Variants in PRELID2 observed in about 807,000 individuals in gnomAD.
PRELID2 encodes the protein PRELI domain containing 2.
In PRELID2, 25 loss-of-function variants were observed where a neutral mutation model predicts 28.4. That is an observed-to-expected ratio of 0.88 (90% confidence interval 0.64 to 1.23). The LOEUF is 1.23. PRELID2 is among the 50% of genes most tolerant of loss of function. PRELID2 has a pLI of 0.00. For missense variants in PRELID2, 201 were observed against 214.4 expected (o/e 0.94, Z 0.39); for synonymous variants, 76 against 71.6 (o/e 1.06, Z -0.31).
chr5:145,541,713 GT>G (rs1752747003), intron 1 of PRELID2, among the ~76,000 whole-genome samples: 1 of 151,986 alleles, frequency 6.6e-6, no homozygotes, highest in Non-Finnish European at 1.5e-5. Flanking sequence ...AAGGCATTCA[GT>G]TTTTATGAAT....
chr5:145,722,130 A>G (rs1024948616), intron 1 of PRELID2, among the ~76,000 whole-genome samples: 4 of 152,194 alleles, frequency 2.6e-5, no homozygotes, highest in Non-Finnish European at 5.9e-5. Flanking sequence ...ATAATAGAAA[A>G]TACATTTTCC....
At chr5:145,294,965 C>T in the PRELID2 span, among the ~76,000 whole-genome samples, 63 of 152,196 alleles carry the variant, frequency 4.1e-4, no homozygotes, top group African/African-American at 1.4e-3. Context: ...GAGCAAAAAA[C>T]ACATCAGAGC....
At chr5:145,572,398 TCA>T (rs1328086813) in intron 1 of PRELID2, among the ~76,000 whole-genome samples, 1 of 152,184 alleles carries the variant, frequency 6.6e-6, no homozygotes, top group African/African-American at 2.4e-5. Flanking sequence ...TTAAAATATT[TCA>T]CAGAGTTCTA....
At chr5:145,243,900 T>A in the PRELID2 span, among the ~76,000 whole-genome samples, 675 of 152,204 alleles carry the variant, frequency 4.4e-3, 3 homozygotes, top group Non-Finnish European at 6.7e-3. Flanking sequence ...CTCTGTCATA[T>A]TTACTTCCTC....
At chr5:145,421,047 G>A in the PRELID2 span, among the ~76,000 whole-genome samples, 57 of 150,228 alleles carry the variant, frequency 3.8e-4, 1 homozygote, top group Admixed American at 2.0e-3. Context: ...ATTGATTTGC[G>A]TATATTGAAC....
chr5:145,360,783 C>A, the PRELID2 span, among the ~76,000 whole-genome samples: 1 of 152,138 alleles, frequency 6.6e-6, no homozygotes, highest in Admixed American at 6.5e-5. Flanking sequence ...ATCTCTACTT[C>A]TATTTCTAGT....
intron 1 of PRELID2, among the ~76,000 whole-genome samples, chr5:145,537,386 C>T (rs1417169035): frequency 2.6e-5 from 4 of 151,788 alleles, no homozygotes; most frequent in African/African-American, 7.2e-5. Flanking sequence ...TTGATATTTT[C>T]GGGAACCTCC....
chr5:145,518,689 C>T (rs1752539617), intron 1 of PRELID2, among the ~76,000 whole-genome samples: 1 of 152,130 alleles, frequency 6.6e-6, no homozygotes, highest in Non-Finnish European at 1.5e-5. Flanking sequence ...GTGGAATTTC[C>T]TATACCAGTT....
the PRELID2 span, among the ~76,000 whole-genome samples, chr5:145,455,595 T>G: frequency 6.6e-6 from 1 of 152,230 alleles, no homozygotes; most frequent in Non-Finnish European, 1.5e-5. Flanking sequence ...GTTTCTCCAT[T>G]TGTTTGTGTC....
intron 1 of PRELID2, among the ~76,000 whole-genome samples, chr5:145,637,371 T>A (rs963457454): frequency 6.6e-6 from 1 of 152,174 alleles, no homozygotes; most frequent in Non-Finnish European, 1.5e-5. Context: ...AATGTTGGAA[T>A]CAGGAAATGA....
intron 1 of PRELID2, among the ~76,000 whole-genome samples, chr5:145,738,841 G>A (rs1756570294): frequency 6.6e-6 from 1 of 152,044 alleles, no homozygotes; most frequent in Non-Finnish European, 1.5e-5. Flanking sequence ...GAAGATGAGT[G>A]TTTCTAAACT....
At chr5:145,380,381 C>T in the PRELID2 span, among the ~76,000 whole-genome samples, 116 of 152,254 alleles carry the variant, frequency 7.6e-4, no homozygotes, top group Non-Finnish European at 1.2e-3. Flanking sequence ...GTTAGGAGCA[C>T]GCCAGTTCTT....
the PRELID2 span, among the ~76,000 whole-genome samples, chr5:145,350,057 G>A: frequency 5.8e-4 from 89 of 152,224 alleles, no homozygotes; most frequent in African/African-American, 2.0e-3. Context: ...AGCTTTAGAC[G>A]TACATTGAAC....
chr5:145,814,143 C>T (rs1187767007), intron 4 of PRELID2, among the ~76,000 whole-genome samples: 1 of 152,050 alleles, frequency 6.6e-6, no homozygotes, highest in Non-Finnish European at 1.5e-5. Flanking sequence ...TTTTGAAAAA[C>T]ACTCAAAGGA....
chr5:145,293,545 T>C, the PRELID2 span, among the ~76,000 whole-genome samples: 4 of 152,164 alleles, frequency 2.6e-5, no homozygotes, highest in African/African-American at 4.8e-5. Flanking sequence ...CTCCTAACCA[T>C]TTAACTATTA....
At chr5:145,434,370 T>C in the PRELID2 span, among the ~76,000 whole-genome samples, 1 of 152,200 alleles carries the variant, frequency 6.6e-6, no homozygotes. Context: ...CAACTCTAGG[T>C]GACCTGAGTA....
At chr5:145,543,614 AG>A (rs1752762607) in intron 1 of PRELID2, among the ~76,000 whole-genome samples, 1 of 152,266 alleles carries the variant, frequency 6.6e-6, no homozygotes, top group African/African-American at 2.4e-5. Context: ...TTTCTCTGAA[AG>A]AACAGTAGCC....
the PRELID2 span, among the ~76,000 whole-genome samples, chr5:145,337,686 A>AATATAT: frequency 4.8e-3 from 382 of 79,758 alleles, no homozygotes; most frequent in Non-Finnish European, 6.0e-3. Flanking sequence ...GCATAGGGCA[A>AATATAT]ATATATATAT....
chr5:145,521,578 A>G (rs1439411672), intron 1 of PRELID2, among the ~76,000 whole-genome samples: 2 of 152,130 alleles, frequency 1.3e-5, no homozygotes, highest in Non-Finnish European at 2.9e-5. Flanking sequence ...TATATATTAT[A>G]CATATATATA....
Sources: allele counts gnomAD v4.1 joint callset (sites outside exome capture counted in the v4.1 genomes callset), GRCh38; gene constraint gnomAD v4.1.1; transcripts MANE v1.5; gene names NCBI Gene and HGNC (gene_info 2026-07-23, HGNC 2026-07-21).